Variants in ATP8A2 observed in about 807,000 individuals in gnomAD.
ATP8A2 encodes ATPase phospholipid transporting 8A2.
ATP8A2 carries 100 observed loss-of-function variants against 165.6 expected under a neutral mutation model. That is an observed-to-expected ratio of 0.60 (90% CI 0.51 to 0.71). The LOEUF is 0.71. Among genes scored for constraint, ATP8A2 ranks in the 30% least tolerant of loss-of-function variants. ATP8A2 has a pLI of 0.00. For missense variants in ATP8A2, 1,227 were observed against 1,479.5 expected, an observed-to-expected ratio of 0.83 and a Z score of 2.80; for synonymous variants, 543 against 548.8, an observed-to-expected ratio of 0.99 and a Z score of 0.15.
At chr13:25,504,549 G>T (rs1427317646) in intron 2 of ATP8A2, among the ~76,000 whole-genome samples, 1 of 146,902 alleles carries the variant, frequency 6.8e-6, no homozygotes, top group Non-Finnish European at 1.5e-5. Flanking sequence ...GACCATCCTG[G>T]CTAACAAGGT....
chr13:25,695,006 A>C (rs192309193), intron 24 of ATP8A2, among the ~76,000 whole-genome samples: 6 of 152,246 alleles, frequency 3.9e-5, no homozygotes, highest in Non-Finnish European at 8.8e-5. Context: ...AGTCCATTTA[A>C]CTTTTATGCA....
intron 33 of ATP8A2, among the ~76,000 whole-genome samples, chr13:25,958,302 A>T (rs561107577): frequency 0.012 from 659 of 57,008 alleles, 7 homozygotes; most frequent in African/African-American, 0.027. Context: ...GGTATAATTT[A>T]AAAAAAAAAA....
chr13:25,820,483 C>A (rs1470682198), intron 27 of ATP8A2, among the ~76,000 whole-genome samples: 2 of 152,106 alleles, frequency 1.3e-5, no homozygotes, highest in Admixed American at 1.3e-4. Flanking sequence ...TCCCATTAGT[C>A]CAAGAGTAAA....
chr13:25,678,283 G>A (rs146055914), intron 24 of ATP8A2, among the ~76,000 whole-genome samples: 2 of 152,260 alleles, frequency 1.3e-5, no homozygotes, highest in African/African-American at 2.4e-5. Flanking sequence ...GTCTCAGGCG[G>A]TAATTTCAGC....
chr13:25,382,945 C>T (rs913907423), intron 1 of ATP8A2, among the ~76,000 whole-genome samples: 16 of 149,836 alleles, frequency 1.1e-4, no homozygotes, highest in East Asian at 7.9e-4. Context: ...TTAGTGGAGA[C>T]GGGGTTTCAT....
intron 1 of ATP8A2, among the ~76,000 whole-genome samples, chr13:25,388,355 A>T (rs2137958160): frequency 6.6e-6 from 1 of 152,242 alleles, no homozygotes; most frequent in Non-Finnish European, 1.5e-5. Flanking sequence ...CCCCTCAGAC[A>T]CTGAGTTAAA....
chr13:25,534,695 A>T (rs987296126), intron 6 of ATP8A2, among the ~76,000 whole-genome samples: 1 of 152,212 alleles, frequency 6.6e-6, no homozygotes, highest in African/African-American at 2.4e-5. Context: ...AAATGTATTT[A>T]CTTGGTTTAT....
intron 19 of ATP8A2, among the ~76,000 whole-genome samples, chr13:25,575,089 T>TCCTTTTTC (rs1218699754): frequency 1.3e-5 from 2 of 152,242 alleles, no homozygotes; most frequent in Admixed American, 1.3e-4. Context: ...TTCCATGTCC[T>TCCTTTTTC]CCTTTTTCTT....
At chr13:25,598,016 T>C (rs2040281876) in intron 24 of ATP8A2, among the ~76,000 whole-genome samples, 2 of 152,190 alleles carry the variant, frequency 1.3e-5, no homozygotes, top group African/African-American at 4.8e-5. Flanking sequence ...AGTTTTAGCT[T>C]GTAAGTTTAA....
At position 25,381,847 on chromosome 13, in the gene ATP8A2, T is replaced by C. The variant is rs774216824; in HGVS notation, c.76+9559T>C. 3.7e-4 allele frequency among the ~76,000 whole-genome samples: 56 copies of C among 152,276 alleles called. 1 individual carries two copies. The highest frequency in any genetic ancestry group is 6.9e-4 in the Non-Finnish European group (47 of 68,016). ...CCAGGCTCTTCTACGCAGGATGATA[T>C]GTTGACAAGATATTACAGGGCAATG... On this transcript the variant is annotated intron_variant, in intron 1 of 36. Coordinates refer to ENST00000381655, the MANE Select transcript of ATP8A2 (RefSeq NM_016529.6).
Position 25,742,677 on chromosome 13 carries a change from C to T in ATP8A2, c.2385-26369C>T, listed in dbSNP as rs201737667. The stretch of plus-strand genomic sequence containing the variant: ...CTTTTCTCTCTCTCTCTCTCTCTCT[C>T]TGTCTTTTTTTTTTTTTTTTATGGT... On this transcript the variant is annotated intron_variant, in intron 25 of 36. Coordinates refer to ENST00000381655, the MANE Select transcript of ATP8A2 (RefSeq NM_016529.6). 3.9e-4 allele frequency among the ~76,000 whole-genome samples: 35 copies of T among 90,000 alleles called. 1 individual carries two copies. Among genetic ancestry groups the T allele is most frequent in the South Asian group, 8.2e-4 (2 of 2,430 alleles). The allele number at this position is 90,000 out of a possible 152,430, so 59.0% of individuals were successfully genotyped here.
chr13:25,740,882 G>A (rs1378435562), intron 25 of ATP8A2, among the ~76,000 whole-genome samples: 2 of 152,148 alleles, frequency 1.3e-5, no homozygotes, highest in Admixed American at 1.3e-4. Context: ...CCTTTAGCGT[G>A]TTATCTCAAA....
chr13:25,864,159 A>C (rs1486634414), intron 33 of ATP8A2, among the ~76,000 whole-genome samples: 2 of 152,088 alleles, frequency 1.3e-5, no homozygotes, highest in Admixed American at 1.3e-4. Context: ...TGAATATTTC[A>C]TTTGGGGAAT....
rs1380589106 is a variant in ATP8A2 at position 25,953,269 on chromosome 13, G to T, written c.3184-8306G>T. Among the ~76,000 whole-genome samples, 5 of 152,008 alleles carry T rather than the reference G, an allele frequency of 3.3e-5. No individual in the cohort carries two copies. Among genetic ancestry groups the T allele is most frequent in the Non-Finnish European group, 2.9e-5 (2 of 68,010 alleles). Reference sequence around the variant, plus strand: ...TTGCTGGGCCAACCAGCATCTTGAGGACTCAACTCTCTGGCTGCAGGTGCT... The same window carrying T: ...TTGCTGGGCCAACCAGCATCTTGAGTACTCAACTCTCTGGCTGCAGGTGCT... On this transcript the variant is annotated intron_variant, in intron 33 of 36. Coordinates refer to ENST00000381655, the MANE Select transcript of ATP8A2 (RefSeq NM_016529.6). The surrounding 1 kb of genome is among the most constrained non-coding windows in gnomAD (Gnocchi z 6.7).
intron 1 of ATP8A2, among the ~76,000 whole-genome samples, chr13:25,378,578 C>T (rs2032722446): frequency 6.6e-6 from 1 of 152,146 alleles, no homozygotes; most frequent in Non-Finnish European, 1.5e-5. Flanking sequence ...CTGGAGTTCT[C>T]ACTTCAGAGT....
intron 1 of ATP8A2, among the ~76,000 whole-genome samples, chr13:25,461,852 A>AGG (rs2035512416): frequency 4.5e-4 from 66 of 147,814 alleles, no homozygotes; most frequent in Non-Finnish European, 8.9e-4. Flanking sequence ...GGAGAAGAAG[A>AGG]AGGAGGAGGA....
chr13:25,749,311 G>A (rs1208719832), intron 25 of ATP8A2, among the ~76,000 whole-genome samples: 1 of 152,124 alleles, frequency 6.6e-6, no homozygotes, highest in African/African-American at 2.4e-5. Flanking sequence ...GGAGGGGGAA[G>A]TGAAGCTGGC....
At chr13:25,736,082 C>T (rs75773761) in intron 25 of ATP8A2, among the ~76,000 whole-genome samples, 10,801 of 152,256 alleles carry the variant, frequency 0.071, 514 homozygotes, top group Middle Eastern at 0.11. Context: ...AGTACAGTAG[C>T]ATGTTGTACA....
chr13:25,941,150 A>T (rs939090317), intron 33 of ATP8A2, among the ~76,000 whole-genome samples: 3 of 152,160 alleles, frequency 2.0e-5, no homozygotes, highest in African/African-American at 7.2e-5. Context: ...ACCTCCCCCG[A>T]GTACTGCTCC....
Sources: gnomAD v4.1 joint callset for allele counts (sites outside exome capture counted in the v4.1 genomes callset) on GRCh38, gnomAD v4.1.1 for gene constraint, Gnocchi (gnomAD v3.1) non-coding constraint, MANE v1.5 for transcripts, NCBI Gene and HGNC (gene_info 2026-07-23, HGNC 2026-07-21) for gene names.